The following RGS3 variants were observed in gnomAD, a reference collection of about 807,000 sequenced individuals.
RGS3 encodes the protein regulator of G protein signaling 3, also known as regulator of G-protein signalling 3.
A neutral mutation model predicts 132.6 loss-of-function variants in RGS3; 80 were observed. The observed-to-expected ratio is 0.60, with a 90% CI of 0.50 to 0.73. The LOEUF (loss-of-function observed/expected upper bound fraction) is 0.73. Ranked by LOEUF, RGS3 falls within the 30% of genes least tolerant of loss-of-function variation. The probability of loss-of-function intolerance (pLI) is 0.00; values close to 1 mark genes in which losing one functional copy is unlikely to be tolerated. For missense variants in RGS3, 1,382 were observed against 1,530.8 expected, an observed-to-expected ratio of 0.90 and a Z score of 1.62; for synonymous variants, 598 against 620.6, an observed-to-expected ratio of 0.96 and a Z score of 0.54.
rs1831115509 is a variant in RGS3, at chr9:113,506,055, G to A, written c.980-333G>A. 6.6e-6 allele frequency among the ~76,000 whole-genome samples: 1 copy of A among 152,134 alleles called. No homozygotes were observed. The highest frequency in any genetic ancestry group is 1.5e-5 in the Non-Finnish European group (1 of 68,026). ...CAGAGAAGGAATAAATGTAGTGTGG[G>A]AGCCTGGCCCCAGGGAAGGTTCTCA... On this transcript the variant is annotated intron_variant, in intron 11 of 24. Coordinates refer to ENST00000350696, the Ensembl canonical transcript of RGS3. This position sits in a 1 kb window ranked among gnomAD's most constrained non-coding sequence, Gnocchi z 4.7.
At chr9:113,450,033 CCATGCCTGGCCAG>C (rs1829204349) in intron 1 of RGS3, among the ~76,000 whole-genome samples, 2 of 151,096 alleles carry the variant, frequency 1.3e-5, no homozygotes, top group South Asian at 4.2e-4. Flanking sequence ...GCATGAGCCA[CCATGCCTGGCCAG>C]ATTTTGCTTT....
chr9:113,467,199 G>C (rs999892426), intron 3 of RGS3, among the ~76,000 whole-genome samples: 3 of 152,136 alleles, frequency 2.0e-5, no homozygotes, highest in African/African-American at 7.2e-5. Flanking sequence ...AAGTTTTTGT[G>C]TGGACAAATG....
intron 19 of RGS3, among the ~76,000 whole-genome samples, chr9:113,569,359 A>G (rs1834159701): frequency 6.6e-6 from 1 of 152,148 alleles, no homozygotes; most frequent in Non-Finnish European, 1.5e-5. Context: ...CATGGCTGGC[A>G]GGAACCTTGA....
At chr9:113,552,564 C>T (rs781517267) in intron 19 of RGS3, among the ~76,000 whole-genome samples, 4 of 152,190 alleles carry the variant, frequency 2.6e-5, no homozygotes, top group Non-Finnish European at 5.9e-5. Flanking sequence ...GTAATCCGTC[C>T]GACTCGGCCT....
chr9:113,465,745 CTG>C (rs1829619541), intron 3 of RGS3, among the ~76,000 whole-genome samples: 1 of 152,134 alleles, frequency 6.6e-6, no homozygotes, highest in Admixed American at 6.5e-5. Context: ...GAACAAGTGA[CTG>C]TGACCTGAGT....
chr9:113,585,628 A>G (rs748152721), intron 20 of RGS3, among the ~76,000 whole-genome samples: 3 of 152,242 alleles, frequency 2.0e-5, no homozygotes, highest in Non-Finnish European at 4.4e-5. Context: ...GAACAGGATT[A>G]GAATAAACAG....
At chr9:113,532,428 A>C (rs1832509179) in intron 18 of RGS3, among the ~76,000 whole-genome samples, 1 of 152,090 alleles carries the variant, frequency 6.6e-6, no homozygotes, top group East Asian at 1.9e-4. Flanking sequence ...TTGCCCATCT[A>C]AGCCAGCCAG....
At chr9:113,491,163 ATTC>A (rs1376678867) in intron 7 of RGS3, among the ~76,000 whole-genome samples, 1 of 145,254 alleles carries the variant, frequency 6.9e-6, no homozygotes, top group African/African-American at 2.5e-5. Context: ...TATTATATAT[ATTC>A]TTTATATATT....
At chr9:113,497,143 C>T (rs547636739) in intron 8 of RGS3, among the ~76,000 whole-genome samples, 171 bp from the exon 7 acceptor site, 8 of 152,202 alleles carry the variant, frequency 5.3e-5, no homozygotes, top group Admixed American at 2.0e-4. Context: ...CTGAGCATCA[C>T]GGAAGGCTTC....
rs532604920 is a variant in RGS3 at position 113,570,797 on chromosome 9, C to T, written c.2038-12653C>T. ...GATTACCGGCGCGTGCCACCATGCC[C>T]GGCTAATTTTTGTATTTTTAGTAGA... On this transcript the variant is annotated intron_variant, in intron 19 of 24. Transcript: ENST00000350696. 5.9e-5 allele frequency among the ~76,000 whole-genome samples: 9 copies of T among 152,182 alleles called. No homozygotes were observed. The East Asian group carries it at 7.7e-4, about 13-fold the overall frequency.
exon 9 of RGS3, chr9:113,497,378 C>T: frequency 6.2e-7 from 1 of 1,613,474 alleles, no homozygotes; most frequent in Non-Finnish European, 8.5e-7. Context: ...TTGAAGGTGG[C>T]CAGGCGGCGA....
chr9:113,459,165 C>T (rs1452020361), upstream of RGS3, among the ~76,000 whole-genome samples: 3 of 152,180 alleles, frequency 2.0e-5, no homozygotes, highest in Non-Finnish European at 4.4e-5. Context: ...TAGCTTTCTA[C>T]CTAGCGCTGA....
At chr9:113,494,605 G>T (rs1304869737) in intron 7 of RGS3, among the ~76,000 whole-genome samples, 1 of 152,154 alleles carries the variant, frequency 6.6e-6, no homozygotes, top group East Asian at 1.9e-4. Flanking sequence ...TCCTACCTCA[G>T]CCTCCTCAGT....
intron 1 of RGS3, among the ~76,000 whole-genome samples, chr9:113,449,838 G>C (rs950040322): frequency 6.6e-6 from 1 of 151,418 alleles, no homozygotes; most frequent in Non-Finnish European, 1.5e-5. Flanking sequence ...TGCCTCCCAG[G>C]TTCAAGTGAT....
intron 1 of RGS3, among the ~76,000 whole-genome samples, chr9:113,454,805 AG>A (rs962413618): frequency 1.3e-5 from 2 of 151,772 alleles, no homozygotes; most frequent in African/African-American, 4.8e-5. Flanking sequence ...AGGAATTAGA[AG>A]GTCTTTCCAC....
At chr9:113,542,405 T>C (rs2118667479) in intron 19 of RGS3, among the ~76,000 whole-genome samples, 1 of 152,284 alleles carries the variant, frequency 6.6e-6, no homozygotes, top group South Asian at 2.1e-4. Context: ...TGCAAGTACA[T>C]TTTTACAAGA....
chr9:113,491,408 G>A (rs1477553776), intron 7 of RGS3, among the ~76,000 whole-genome samples: 1 of 151,490 alleles, frequency 6.6e-6, no homozygotes, highest in African/African-American at 2.4e-5. Flanking sequence ...ATGCCACCAT[G>A]CCCAGCTGAT....
intron 3 of RGS3, among the ~76,000 whole-genome samples, chr9:113,464,627 G>C (rs1177443659): frequency 6.6e-5 from 10 of 152,182 alleles, no homozygotes; most frequent in Admixed American, 6.5e-4. Flanking sequence ...CTGTGGAGAG[G>C]GGTTATTTTT....
At chr9:113,539,935 G>A (rs1239963029) in intron 19 of RGS3, among the ~76,000 whole-genome samples, 1 of 152,176 alleles carries the variant, frequency 6.6e-6, no homozygotes, top group Non-Finnish European at 1.5e-5. Flanking sequence ...GGCTGCTGTG[G>A]TGTCAGTAGT....
Sources: gnomAD v4.1 joint callset for allele counts (sites outside exome capture counted in the v4.1 genomes callset) on GRCh38, gnomAD v4.1.1 for gene constraint, Gnocchi (gnomAD v3.1) non-coding constraint, MANE v1.5 for transcripts, NCBI Gene and HGNC (gene_info 2026-07-23, HGNC 2026-07-21) for gene names.